The following SVOPL variants were observed in gnomAD, a reference collection of about 807,000 sequenced individuals.
SVOPL encodes putative transporter SVOPL.
In SVOPL, 60 loss-of-function variants were observed where a neutral mutation model predicts 61.0. The observed-to-expected ratio is 0.98, with a 90% CI of 0.80 to 1.22. The LOEUF (loss-of-function observed/expected upper bound fraction) is 1.22, where lower values mean the gene tolerates loss of function less well. Among genes scored for constraint, SVOPL ranks in the 50% most tolerant of loss-of-function variants. The probability of loss-of-function intolerance (pLI) is 0.00; values close to 1 mark genes in which losing one functional copy is unlikely to be tolerated. For synonymous variants in SVOPL, 279 were observed against 250.0 expected (o/e 1.12, Z -1.09); for missense variants, 662 against 643.9 (o/e 1.03, Z -0.30).
chr7:138,621,838 C>G (rs75102503), intron 13 of SVOPL, among the ~76,000 whole-genome samples: 2,631 of 55,472 alleles, frequency 0.047, 159 homozygotes, highest in African/African-American at 0.065. Flanking sequence ...ATGTATCTAT[C>G]TATCTATGTA....
chr7:138,617,394 A>G (rs1003641849), intron 14 of SVOPL, among the ~76,000 whole-genome samples: 11 of 152,144 alleles, frequency 7.2e-5, no homozygotes, highest in East Asian at 1.9e-4. Flanking sequence ...AAAAAATAAG[A>G]AGGAGGAGCA....
chr7:138,687,138 T>G (rs1026284926), intron 1 of SVOPL, among the ~76,000 whole-genome samples: 1 of 152,000 alleles, frequency 6.6e-6, no homozygotes, highest in African/African-American at 2.4e-5. Context: ...GACAGACAAT[T>G]CTAAAACTAC....
chr7:138,693,799 C>A (rs1328011638), intron 1 of SVOPL, among the ~76,000 whole-genome samples: 1 of 151,936 alleles, frequency 6.6e-6, no homozygotes, highest in East Asian at 1.9e-4. Context: ...GATTTGTTGC[C>A]ATGTGCCCTT....
chr7:138,630,467 T>G (rs1239729065), intron 9 of SVOPL, among the ~76,000 whole-genome samples: 1 of 152,154 alleles, frequency 6.6e-6, no homozygotes, highest in Non-Finnish European at 1.5e-5. Context: ...TGATGAGAGA[T>G]TCTTCTAAAA....
chr7:138,608,936 T>C (rs76304192), intron 14 of SVOPL, among the ~76,000 whole-genome samples: 1,577 of 152,192 alleles, frequency 0.01, 31 homozygotes, highest in African/African-American at 0.037. Context: ...CTGCTAAAAA[T>C]CCTTTATAGA....
chr7:138,631,960 T>TCACACACACACACACACACACACACA (rs756332176), intron 9 of SVOPL, among the ~76,000 whole-genome samples: 257 of 147,050 alleles, frequency 1.7e-3, no homozygotes, highest in African/African-American at 4.3e-3. Flanking sequence ...TGCTCTGATA[T>TCACACACACACACACACACACACACA]CACACACACA....
intron 7 of SVOPL, among the ~76,000 whole-genome samples, chr7:138,652,877 CTACCTCCCAAAGTGCTGGGAT>C (rs1325176674): frequency 6.6e-6 from 1 of 152,198 alleles, no homozygotes; most frequent in Non-Finnish European, 1.5e-5. Context: ...CCTCCCACCT[CTACCTCCCAAAGTGCTGGGAT>C]TACAGGCGTG....
At chr7:138,689,034 C>T (rs968602594) in intron 1 of SVOPL, 31 of 702,064 alleles carry the variant, frequency 4.4e-5, no homozygotes, top group Admixed American at 1.4e-4. Flanking sequence ...CAAATCAAGA[C>T]GTTCAAATCT....
At chr7:138,610,857 G>C (rs1036194151) in intron 14 of SVOPL, among the ~76,000 whole-genome samples, 3 of 152,220 alleles carry the variant, frequency 2.0e-5, no homozygotes, top group Non-Finnish European at 2.9e-5. Context: ...AGCCTTGACA[G>C]AGCCTAACTT....
At chr7:138,608,415 G>C (rs1798849055) in intron 14 of SVOPL, among the ~76,000 whole-genome samples, 1 of 152,198 alleles carries the variant, frequency 6.6e-6, no homozygotes, top group African/African-American at 2.4e-5. Flanking sequence ...CCAATTGCGG[G>C]AACATAAGCA....
chr7:138,657,066 C>G (rs1801776004), intron 6 of SVOPL, among the ~76,000 whole-genome samples: 1 of 151,782 alleles, frequency 6.6e-6, no homozygotes. Context: ...GAAATATAAG[C>G]CTTATCTGTT....
At chr7:138,628,678 A>G (rs1355644493) in intron 10 of SVOPL, among the ~76,000 whole-genome samples, 1 of 152,168 alleles carries the variant, frequency 6.6e-6, no homozygotes, top group Non-Finnish European at 1.5e-5. Flanking sequence ...TGAAAGTTCC[A>G]GTTACTTTGC....
chr7:138,668,576 C>T (rs1203635378), intron 4 of SVOPL, among the ~76,000 whole-genome samples: 2 of 152,150 alleles, frequency 1.3e-5, no homozygotes, highest in Non-Finnish European at 2.9e-5. Context: ...TCCAAACTTC[C>T]CAGCCTCCAA....
intron 14 of SVOPL, among the ~76,000 whole-genome samples, chr7:138,598,503 A>T (rs1266948326): frequency 6.6e-6 from 1 of 152,226 alleles, no homozygotes; most frequent in African/African-American, 2.4e-5. Flanking sequence ...CAGGCCACCC[A>T]ATAACAGAAT....
At chr7:138,633,460 C>T (rs1800312865) in intron 9 of SVOPL, among the ~76,000 whole-genome samples, 1 of 152,140 alleles carries the variant, frequency 6.6e-6, no homozygotes, top group Admixed American at 6.5e-5. Context: ...CTTCTCTCAC[C>T]ATGTAACATG....
chr7:138,616,242 A>G (rs1232664873), intron 14 of SVOPL, among the ~76,000 whole-genome samples: 56 of 152,316 alleles, frequency 3.7e-4, no homozygotes. Context: ...AAAGTGACTG[A>G]TCTCTTGAAG....
Position 138,651,898 on chromosome 7 carries a change from C to T in SVOPL, c.535-2761G>A, listed in dbSNP as rs78171418. Among the ~76,000 whole-genome samples, 141 of 152,188 alleles carry T rather than the reference C, an allele frequency of 9.3e-4. 2 individuals carry two copies. In the East Asian group the frequency reaches 0.026, roughly 28 times the overall value. On this transcript the variant is annotated intron_variant, in intron 7 of 15. Transcript: ENST00000674285. Reference sequence around the variant, plus strand: ...AGTGTTCAACTGAAAGGAAAAGTTGCGCATCTTTCTTTCTTTACCGAGACA... The same window carrying T: ...AGTGTTCAACTGAAAGGAAAAGTTGTGCATCTTTCTTTCTTTACCGAGACA...
chr7:138,648,307 G>C (rs1801226655), intron 8 of SVOPL, among the ~76,000 whole-genome samples: 1 of 151,948 alleles, frequency 6.6e-6, no homozygotes, highest in Admixed American at 6.6e-5. Context: ...CCTCAATAAA[G>C]GTAATAGGAT....
At chr7:138,657,468 GAAATTAAAATACACCTGAGAGAAGGTA>G (rs1801803305) in intron 6 of SVOPL, among the ~76,000 whole-genome samples, 1 of 151,800 alleles carries the variant, frequency 6.6e-6, no homozygotes, top group Non-Finnish European at 1.5e-5. Context: ...AACACATTGG[GAAATTAAAATACACCTGAGAGAAGGTA>G]AATAGTTCTC....
Sources: allele counts gnomAD v4.1 joint callset (sites outside exome capture counted in the v4.1 genomes callset), GRCh38; gene constraint gnomAD v4.1.1; transcripts MANE v1.5; gene names NCBI Gene and HGNC (gene_info 2026-07-23, HGNC 2026-07-21).